RGS7: variants seen among roughly 807,000 people sequenced by gnomAD.
The protein encoded by RGS7 is regulator of G protein signaling 7.
A neutral mutation model predicts 81.1 loss-of-function variants in RGS7; 27 were observed. That is an observed-to-expected ratio of 0.33 (90% confidence interval 0.25 to 0.46). The LOEUF (loss-of-function observed/expected upper bound fraction) is 0.46, where lower values mean the gene tolerates loss of function less well. Ranked by LOEUF, RGS7 falls within the 20% of genes least tolerant of loss-of-function variation. The probability of loss-of-function intolerance (pLI) is 1.00; values close to 1 mark genes in which losing one functional copy is unlikely to be tolerated. For synonymous variants in RGS7, 208 were observed against 207.7 expected (o/e 1.00, Z -0.01); for missense variants, 396 against 607.4 (o/e 0.65, Z 3.66).
chr1:241,262,958 G>A (rs935558703), intron 2 of RGS7, among the ~76,000 whole-genome samples: 1 of 152,092 alleles, frequency 6.6e-6, no homozygotes, highest in Non-Finnish European at 1.5e-5. Flanking sequence ...AATTAGCCAG[G>A]CATGGTGGCG....
chr1:241,291,272 A>G, intron 2 of RGS7, among the ~76,000 whole-genome samples: 1 of 152,142 alleles, frequency 6.6e-6, no homozygotes, highest in East Asian at 1.9e-4. Context: ...GGTCTCAGAG[A>G]ATTGGTAGGG....
At chr1:241,112,550 A>C (rs2065592596) in intron 2 of RGS7, among the ~76,000 whole-genome samples, 1 of 152,210 alleles carries the variant, frequency 6.6e-6, no homozygotes, top group Non-Finnish European at 1.5e-5. Flanking sequence ...ACACACTAAA[A>C]CTAAATATAA....
At chr1:241,072,330 T>C (rs546266649) in intron 3 of RGS7, among the ~76,000 whole-genome samples, 2 of 152,344 alleles carry the variant, frequency 1.3e-5, no homozygotes, top group African/African-American at 4.8e-5. Context: ...CTGGGCAGAA[T>C]GCTCTGTTTT....
chr1:240,985,232 G>A (rs1409366826), intron 3 of RGS7, among the ~76,000 whole-genome samples: 1 of 152,210 alleles, frequency 6.6e-6, no homozygotes, highest in Non-Finnish European at 1.5e-5. Context: ...TTCCGCACAA[G>A]CCCCAAGCAC....
At chr1:240,833,014 AAC>A (rs1694105334) in intron 9 of RGS7, among the ~76,000 whole-genome samples, 1 of 152,224 alleles carries the variant, frequency 6.6e-6, no homozygotes, top group Admixed American at 6.5e-5. Flanking sequence ...CATAAAGTTT[AAC>A]TTATAAATTA....
chr1:241,273,319 C>G (rs150217171), intron 2 of RGS7, among the ~76,000 whole-genome samples: 1 of 152,180 alleles, frequency 6.6e-6, no homozygotes, highest in African/African-American at 2.4e-5. Context: ...AGGACTTTCT[C>G]TTTAGCAAGA....
chr1:240,995,834 A>T, intron 3 of RGS7, among the ~76,000 whole-genome samples: 1 of 141,898 alleles, frequency 7.0e-6, no homozygotes, highest in Non-Finnish European at 1.5e-5. Flanking sequence ...GCTCTTTATT[A>T]TTTTCTTACG....
chr1:240,961,055 G>A (rs1410569019), intron 4 of RGS7, among the ~76,000 whole-genome samples: 6 of 152,070 alleles, frequency 3.9e-5, no homozygotes, highest in African/African-American at 1.4e-4. Context: ...TTTTTATTCA[G>A]ATAATGAATA....
intron 2 of RGS7, among the ~76,000 whole-genome samples, chr1:241,316,721 T>C (rs2080901065): frequency 6.6e-6 from 1 of 152,150 alleles, no homozygotes; most frequent in Admixed American, 6.5e-5. Flanking sequence ...TGTAGTTTTC[T>C]TTTTTTGTTA....
chr1:240,940,934 A>G (rs1398412432), intron 4 of RGS7, among the ~76,000 whole-genome samples: 1 of 152,222 alleles, frequency 6.6e-6, no homozygotes, highest in Non-Finnish European at 1.5e-5. Flanking sequence ...TACCATAATT[A>G]GTCATTAATA....
At chr1:241,303,192 G>C (rs889247400) in intron 2 of RGS7, among the ~76,000 whole-genome samples, 2 of 148,874 alleles carry the variant, frequency 1.3e-5, no homozygotes, top group Non-Finnish European at 3.0e-5. Context: ...AAGGAGCCTG[G>C]TGGGAGGTGA....
In RGS7 at chr1:241,271,500, T is replaced by C. The variant is rs974895355; in HGVS notation, c.78+84199A>G. On this transcript the variant is annotated intron_variant, in intron 2 of 18. Transcript: ENST00000440928. This position sits in a 1 kb window ranked among gnomAD's most constrained non-coding sequence, Gnocchi z 4.6. ...CACTTCTGTGACGGTTCATTTTACA[T>C]GTCAACTTGACTGTTTCACAGGAGT... 1.3e-5 allele frequency among the ~76,000 whole-genome samples: 2 copies of C among 152,246 alleles called. No individual in the cohort carries two copies. Among genetic ancestry groups the C allele is most frequent in the African/African-American group, 4.8e-5 (2 of 41,474 alleles).
At chr1:241,121,240 T>C (rs1341050658) in intron 2 of RGS7, among the ~76,000 whole-genome samples, 2 of 152,228 alleles carry the variant, frequency 1.3e-5, no homozygotes, top group Non-Finnish European at 2.9e-5. Context: ...GATTTTACTT[T>C]TCTAACTTGC....
At chr1:241,095,640 T>A (rs2064191745) in intron 3 of RGS7, among the ~76,000 whole-genome samples, 1 of 152,094 alleles carries the variant, frequency 6.6e-6, no homozygotes, top group Non-Finnish European at 1.5e-5. Context: ...AGAGCAAGAC[T>A]GTATCAAAAA....
At chr1:241,073,415 CA>C (rs558610633) in intron 3 of RGS7, among the ~76,000 whole-genome samples, 15 of 150,460 alleles carry the variant, frequency 1.0e-4, no homozygotes, top group Admixed American at 2.0e-4. Flanking sequence ...AGAAGGTGCT[CA>C]AAAAAAAATC....
chr1:241,047,693 C>T (rs1032127190), intron 3 of RGS7, among the ~76,000 whole-genome samples: 3 of 150,504 alleles, frequency 2.0e-5, no homozygotes, highest in African/African-American at 7.3e-5. Flanking sequence ...TGCAACCATG[C>T]ACTATTCAAA....
chr1:241,227,570 C>CAAAAAAAAAAAA (rs5782179), intron 2 of RGS7, among the ~76,000 whole-genome samples: 2 of 103,724 alleles, frequency 1.9e-5, no homozygotes, highest in East Asian at 2.8e-4. Flanking sequence ...CTGTCTCTAC[C>CAAAAAAAAAAAA]AAAAAAAAAA....
chr1:241,099,022 C>T (rs1169315597), intron 2 of RGS7, among the ~76,000 whole-genome samples: 4 of 152,178 alleles, frequency 2.6e-5, no homozygotes, highest in African/African-American at 9.7e-5. Flanking sequence ...CTCCTGATTT[C>T]ATGTACCTTG....
intron 3 of RGS7, among the ~76,000 whole-genome samples, chr1:241,075,264 A>G (rs1292148415): frequency 3.1e-4 from 47 of 152,352 alleles, no homozygotes. Context: ...AGAAAATGTT[A>G]GTTCTATTTT....
Sources: gnomAD v4.1 joint callset for allele counts (sites outside exome capture counted in the v4.1 genomes callset) on GRCh38, gnomAD v4.1.1 for gene constraint, Gnocchi (gnomAD v3.1) non-coding constraint, MANE v1.5 for transcripts, NCBI Gene and HGNC (gene_info 2026-07-23, HGNC 2026-07-21) for gene names.